DPYS: variants seen among roughly 807,000 people sequenced by gnomAD.
DPYS encodes dihydropyrimidine amidohydrolase.
DPYS carries 39 observed loss-of-function variants against 50.3 expected under a neutral mutation model. That is an observed-to-expected ratio of 0.78 (90% CI 0.60 to 1.01). DPYS has a LOEUF of 1.01. DPYS is among the 50% of genes least tolerant of loss of function. DPYS has a pLI of 0.00. For missense variants in DPYS, 659 were observed against 680.9 expected, an observed-to-expected ratio of 0.97 and a Z score of 0.36; for synonymous variants, 245 against 250.7, an observed-to-expected ratio of 0.98 and a Z score of 0.22.
At chr8:104,402,411 T>C (rs1811850993) in intron 7 of DPYS, among the ~76,000 whole-genome samples, 3 of 152,216 alleles carry the variant, frequency 2.0e-5, no homozygotes, top group Non-Finnish European at 4.4e-5. Context: ...CTAGGATGTA[T>C]GTCTTATGAA....
chr8:104,398,145 A>G (rs1231562143), intron 7 of DPYS, among the ~76,000 whole-genome samples: 1 of 152,244 alleles, frequency 6.6e-6, no homozygotes, highest in Admixed American at 6.5e-5. Context: ...ACTTCTTTGC[A>G]GCTAGGGCCC....
intron 8 of DPYS, among the ~76,000 whole-genome samples, chr8:104,391,666 A>G (rs1225423851): frequency 6.6e-6 from 1 of 152,186 alleles, no homozygotes; most frequent in Non-Finnish European, 1.5e-5. Flanking sequence ...TTTGATAGAG[A>G]TTTGGTCATC....
chr8:104,440,165 A>G (rs1367163733), intron 4 of DPYS, among the ~76,000 whole-genome samples: 2 of 152,212 alleles, frequency 1.3e-5, no homozygotes, highest in African/African-American at 4.8e-5. Flanking sequence ...TAAGCACTCA[A>G]CAAGCTGTTA....
intron 6 of DPYS, 149 bp downstream of exon 6, chr8:104,427,831 C>T (rs929157006): frequency 3.6e-6 from 4 of 1,113,552 alleles, no homozygotes; most frequent in Admixed American, 1.7e-5. Flanking sequence ...GAATGGTGGT[C>T]GAGGTGATAG....
rs1401298379 is a variant in DPYS at position 104,466,850 on chromosome 8, T to A, written c.71A>T (p.Asp24Val). 1 of 1,530,650 alleles carries A rather than the reference T, an allele frequency of 6.5e-7. No homozygotes were observed. 94.8% of individuals were successfully genotyped at this position (1,530,650 alleles called of 1,614,324 possible). A position where few individuals can be genotyped will look rare whatever the true frequency, so the allele number is the denominator to read the frequency against. ...CACCACGCCGTCCTCCACCAGCACG[T>A]CGGCCACCTCCGAGAAGTCATCGTT... ...VVNDDFSEVA[D>V]VLVEDGVVRA... Residue 24 changes from aspartate (D) to valine (V), a missense_variant, in exon 1 of 10, where the codon GAC becomes GTC. Physicochemically the swap from Asp to Val is radical, Grantham distance 152. Coordinates refer to ENST00000351513, the MANE Select transcript of DPYS (RefSeq NM_001385.3).
intron 8 of DPYS, among the ~76,000 whole-genome samples, chr8:104,381,871 CACACACACACACAT>C (rs938625429): frequency 2.5e-4 from 30 of 119,326 alleles, no homozygotes; most frequent in East Asian, 1.4e-3. Flanking sequence ...CACACACACA[CACACACACACACAT>C]ACACACAGAC....
At chr8:104,394,527 T>C (rs1403818763) in intron 7 of DPYS, among the ~76,000 whole-genome samples, 1 of 151,988 alleles carries the variant, frequency 6.6e-6, no homozygotes, top group South Asian at 2.1e-4. Context: ...CCCCACTCCA[T>C]GGCTCCCACT....
At chr8:104,451,935 G>A (rs1813756613) in intron 1 of DPYS, among the ~76,000 whole-genome samples, 1 of 152,038 alleles carries the variant, frequency 6.6e-6, no homozygotes, top group Admixed American at 6.5e-5. Flanking sequence ...CTACCACCCT[G>A]GTCTTAGTTC....
chr8:104,440,670 A>G (rs1813321210), intron 4 of DPYS, among the ~76,000 whole-genome samples: 1 of 152,012 alleles, frequency 6.6e-6, no homozygotes, highest in Non-Finnish European at 1.5e-5. Context: ...GAGGCAGGAG[A>G]AGCGCTTGAA....
intron 1 of DPYS, among the ~76,000 whole-genome samples, chr8:104,453,950 T>C (rs1485320785): frequency 6.6e-6 from 1 of 152,142 alleles, no homozygotes; most frequent in East Asian, 1.9e-4. Context: ...ACAAAGATAA[T>C]ATATTGTGTG....
chr8:104,457,380 G>A (rs1813962727), intron 1 of DPYS, among the ~76,000 whole-genome samples: 1 of 152,156 alleles, frequency 6.6e-6, no homozygotes, highest in Non-Finnish European at 1.5e-5. Context: ...TACTCAGGAC[G>A]TTGTACAATT....
At chr8:104,463,490 C>G (rs1302868989) in intron 1 of DPYS, among the ~76,000 whole-genome samples, 1 of 152,142 alleles carries the variant, frequency 6.6e-6, no homozygotes, top group African/African-American at 2.4e-5. Flanking sequence ...AGAACAGACA[C>G]TAATAGGTAA....
At chr8:104,392,057 G>C (rs1811405723) in intron 8 of DPYS, among the ~76,000 whole-genome samples, 1 of 152,200 alleles carries the variant, frequency 6.6e-6, no homozygotes, top group Non-Finnish European at 1.5e-5. Flanking sequence ...ATGGTGGCGA[G>C]GGCAAGAGAG....
At chr8:104,465,563 T>TA (rs1281988850) in intron 1 of DPYS, among the ~76,000 whole-genome samples, 1 of 152,178 alleles carries the variant, frequency 6.6e-6, no homozygotes, top group Non-Finnish European at 1.5e-5. Context: ...GCTGCTCTGT[T>TA]AGTCTCTTGA....
rs564893846 is a variant in DPYS, at chr8:104,434,861, G to A, written c.794-5160C>T. On this transcript the variant is annotated intron_variant, in intron 4 of 9. Transcript: ENST00000351513. ...AAAGGAACATGGATTTAAAATAGAC[G>A]TAAACTTTATTAAGACAAGCTAAAA... is the stretch of plus-strand genomic sequence containing the variant. Among the ~76,000 whole-genome samples, 7 of 152,254 alleles carry A rather than the reference G, an allele frequency of 4.6e-5. No individual in the cohort carries two copies. In the East Asian group the frequency reaches 9.7e-4, roughly 21 times the overall value.
chr8:104,441,102 T>C (rs2669436), intron 4 of DPYS, among the ~76,000 whole-genome samples: 92,278 of 151,936 alleles, frequency 0.61, 29,106 homozygotes, highest in Non-Finnish European at 0.7. Context: ...ATGCATGGGG[T>C]AGGAAATCTT....
At chr8:104,460,854 G>A (rs564362417) in intron 1 of DPYS, among the ~76,000 whole-genome samples, 1 of 152,302 alleles carries the variant, frequency 6.6e-6, no homozygotes, top group African/African-American at 2.4e-5. Flanking sequence ...ACAAACCCTT[G>A]AAGCTGGAGC....
At chr8:104,437,943 T>C (rs1341110841) in intron 4 of DPYS, among the ~76,000 whole-genome samples, 1 of 152,202 alleles carries the variant, frequency 6.6e-6, no homozygotes, top group African/African-American at 2.4e-5. Context: ...TCAGTAACAC[T>C]GGATGCCAGC....
At chr8:104,405,808 C>A (rs1811977538) in intron 7 of DPYS, among the ~76,000 whole-genome samples, 1 of 152,212 alleles carries the variant, frequency 6.6e-6, no homozygotes, top group African/African-American at 2.4e-5. Flanking sequence ...AGGGAGCACG[C>A]CTGAGGACAT....
Sources: allele counts gnomAD v4.1 joint callset (sites outside exome capture counted in the v4.1 genomes callset), GRCh38; gene constraint gnomAD v4.1.1; transcripts MANE v1.5; gene names NCBI Gene and HGNC (gene_info 2026-07-23, HGNC 2026-07-21).